GALNT9: variants seen among roughly 807,000 people sequenced by gnomAD.
GALNT9 encodes the protein polypeptide N-acetylgalactosaminyltransferase 9, also known as GalNAc transferase 9.
Under a neutral mutation model 63.1 loss-of-function variants are expected in GALNT9, and 47 were observed. That is an observed-to-expected ratio of 0.75 (90% CI 0.59 to 0.95). The LOEUF (loss-of-function observed/expected upper bound fraction) is 0.95, where lower values mean the gene tolerates loss of function less well. Among genes scored for constraint, GALNT9 ranks in the 40% least tolerant of loss-of-function variants. The pLI, the probability that GALNT9 is intolerant of heterozygous loss-of-function variation, is 0.00. For missense variants in GALNT9, 829 were observed against 874.8 expected, an observed-to-expected ratio of 0.95 and a Z score of 0.66; for synonymous variants, 396 against 365.7, an observed-to-expected ratio of 1.08 and a Z score of -0.94.
chr12:132,269,934 T>G (rs1879806554), intron 2 of GALNT9, among the ~76,000 whole-genome samples: 1 of 152,212 alleles, frequency 6.6e-6, no homozygotes, highest in Non-Finnish European at 1.5e-5. Flanking sequence ...CTTTGAGGCC[T>G]GAACAGCACA....
At chr12:132,323,784 A>T (rs940408997) in intron 1 of GALNT9, among the ~76,000 whole-genome samples, 2 of 152,194 alleles carry the variant, frequency 1.3e-5, no homozygotes, top group African/African-American at 2.4e-5. Context: ...GTAAATCCAC[A>T]ATCATGGGGA....
At chr12:132,261,176 A>C (rs1593090695) in intron 3 of GALNT9, 54 bp from the exon 4 acceptor site, 1 of 1,539,364 alleles carries the variant, frequency 6.5e-7, no homozygotes, top group Non-Finnish European at 8.7e-7. Flanking sequence ...GCGCGGGGCC[A>C]CCAAGACCCA....
Position 132,196,432 on chromosome 12 carries a change from G to A in GALNT9, c.*675C>T. 3.0e-6 allele frequency: 3 copies of A among 985,226 alleles called. No homozygotes were observed. The highest frequency in any genetic ancestry group is 3.6e-6 in the Non-Finnish European group (3 of 829,692). 61.0% of individuals were successfully genotyped at this position (985,226 alleles called of 1,614,324 possible). ...ACAGGCAAGGGGCTGGGCTGCGGCA[G>A]GGCCCAGGTGCCTGGGAAAGAGGTG... On this transcript the variant is annotated 3_prime_UTR_variant, in exon 11 of 11. Transcript: ENST00000328957.
At chr12:132,256,378 CTGTTTCT>C (rs1555239088) in intron 5 of GALNT9, among the ~76,000 whole-genome samples, 1 of 151,996 alleles carries the variant, frequency 6.6e-6, no homozygotes. Flanking sequence ...CCACTCCTCC[CTGTTTCT>C]AAGTATTCCG....
At chr12:132,271,867 A>C (rs537192907) in intron 2 of GALNT9, among the ~76,000 whole-genome samples, 3 of 152,096 alleles carry the variant, frequency 2.0e-5, no homozygotes, top group Non-Finnish European at 4.4e-5. Flanking sequence ...TGCGCCCTTC[A>C]GTGCTGTGTG....
rs527483489 is a variant in GALNT9, at chr12:132,284,223, GTGCACACA to G, written c.419+2019_419+2026del. ...TGCACACGTGCACACACAGACTCCTGTGCACACATGCACACATGCGCACACACCCGCAC... is the reference window on the plus strand; with the variant it reads ...TGCACACGTGCACACACAGACTCCTGTGCACACATGCGCACACACCCGCAC... On this transcript the variant is annotated intron_variant, in intron 2 of 10. Transcript: ENST00000328957. 785 of 149,842 alleles carry G rather than the reference GTGCACACA, an allele frequency of 5.2e-3. 3 individuals are homozygous for G. Among genetic ancestry groups the G allele is most frequent in the Non-Finnish European group, 8.6e-3 (579 of 67,466 alleles). The allele number at this position is 149,842 out of a possible 1,614,324, so 9.3% of individuals were successfully genotyped here. A position where few individuals can be genotyped will look rare whatever the true frequency, so the allele number is the denominator to read the frequency against.
At chr12:132,202,916 A>T (rs1450980066) in intron 7 of GALNT9, among the ~76,000 whole-genome samples, 2 of 152,212 alleles carry the variant, frequency 1.3e-5, no homozygotes, top group Non-Finnish European at 2.9e-5. Context: ...GAAGCGGGTC[A>T]GCCACTCATA....
intron 6 of GALNT9, among the ~76,000 whole-genome samples, chr12:132,229,904 A>G (rs1401396719): frequency 6.6e-6 from 1 of 152,204 alleles, no homozygotes; most frequent in Non-Finnish European, 1.5e-5. Flanking sequence ...GTGGAGTCAC[A>G]GGCTCTCAGC....
At chr12:132,219,036 G>A (rs1593069495) in intron 6 of GALNT9, among the ~76,000 whole-genome samples, 1 of 151,992 alleles carries the variant, frequency 6.6e-6, no homozygotes, top group East Asian at 1.9e-4. Context: ...GAGCTCTCGG[G>A]GTGCTGCCGA....
chr12:132,294,429 C>T (rs1880973319), intron 1 of GALNT9, among the ~76,000 whole-genome samples: 1 of 152,218 alleles, frequency 6.6e-6, no homozygotes, highest in South Asian at 2.1e-4. Flanking sequence ...CAGGGCCCTC[C>T]AGAAGTGTCT....
intron 2 of GALNT9, among the ~76,000 whole-genome samples, chr12:132,264,393 G>T (rs1196477384): frequency 6.6e-6 from 1 of 152,252 alleles, no homozygotes; most frequent in Non-Finnish European, 1.5e-5. Flanking sequence ...AAGCAGGAAG[G>T]GGGCTGGTGG....
intron 9 of GALNT9, 70 bp from the exon 10 acceptor site, chr12:132,198,029 G>A (rs1055596817): frequency 1.2e-5 from 16 of 1,320,552 alleles, no homozygotes; most frequent in East Asian, 9.7e-5. Context: ...CTGACAGGCC[G>A]TGCGAGCTGC....
At chr12:132,312,169 G>A (rs1483629580) in intron 1 of GALNT9, among the ~76,000 whole-genome samples, 1 of 152,184 alleles carries the variant, frequency 6.6e-6, no homozygotes, top group Admixed American at 6.5e-5. Flanking sequence ...ATATTTTGCA[G>A]GACATGGCAA....
intron 3 of GALNT9, 135 bp downstream of exon 3, chr12:132,262,324 T>C: frequency 8.3e-7 from 1 of 1,199,194 alleles, no homozygotes; most frequent in South Asian, 1.6e-5. Context: ...GGGACCCCCA[T>C]AGGTTTAGAG....
Position 132,267,800 on chromosome 12 carries a change from C to CACTCACACACAT in GALNT9, c.420-5176_420-5175insATGTGTGTGAGT, listed in dbSNP as rs138324682. On this transcript the variant is annotated intron_variant, in intron 2 of 10. Coordinates refer to ENST00000328957, the MANE Select transcript of GALNT9 (RefSeq NM_001122636.2). ...ACACACGCACACACACGCACTCACA[C>CACTCACACACAT]GCACTCACACACGCACTCACACATG... Among the ~76,000 whole-genome samples the CACTCACACACAT allele has an allele frequency of 1.8e-3, 255 of 140,130 alleles. 12 individuals carry two copies. Among genetic ancestry groups the CACTCACACACAT allele is most frequent in the South Asian group, 0.011 (49 of 4,520 alleles). The allele number at this position is 140,130 out of a possible 152,430, so 91.9% of individuals were successfully genotyped here.
rs748933691 is a variant in GALNT9 at position 132,203,492 on chromosome 12, G to A, written c.1263+13C>T. The A allele has an allele frequency of 1.5e-5, 25 of 1,613,028 alleles. No individual in the cohort carries two copies. In the East Asian group the frequency reaches 4.7e-4, roughly 30 times the overall value. The stretch of plus-strand genomic sequence containing the variant: ...GGGGCATGGCCCCGGCTCCCGGCCT[G>A]TGGGGGACTCACCGACATGGGGATG... On this transcript the variant is annotated intron_variant, in intron 7 of 10. Transcript: ENST00000328957.
In GALNT9 at chr12:132,238,777, C is replaced by A. The variant is rs527440165; in HGVS notation, c.1077+9133G>T. On this transcript the variant is annotated intron_variant, in intron 6 of 10. Transcript: ENST00000328957. The surrounding 1 kb of genome is among the most constrained non-coding windows in gnomAD (Gnocchi z 6.5). ...TCCGCCCCCTCATCTGCAGGCCACC[C>A]GCCCAGGGACGTGCTACCATTTACC... 6.6e-6 allele frequency among the ~76,000 whole-genome samples: 1 copy of A among 152,192 alleles called. No homozygotes were observed. Among genetic ancestry groups the A allele is most frequent in the African/African-American group, 2.4e-5 (1 of 41,438 alleles).
chr12:132,314,294 A>G (rs28520330), intron 1 of GALNT9, among the ~76,000 whole-genome samples: 12,899 of 151,590 alleles, frequency 0.085, 650 homozygotes, highest in African/African-American at 0.14. Context: ...TACATCAGGC[A>G]TCATGTTATC....
intron 5 of GALNT9, among the ~76,000 whole-genome samples, chr12:132,251,952 C>T (rs1878933613): frequency 1.3e-5 from 2 of 152,194 alleles, no homozygotes; most frequent in South Asian, 4.1e-4. Context: ...CCAGGCCTGC[C>T]CCCCGCCTGC....
Sources: allele counts gnomAD v4.1 joint callset (sites outside exome capture counted in the v4.1 genomes callset), GRCh38; gene constraint gnomAD v4.1.1; non-coding constraint Gnocchi (gnomAD v3.1); transcripts MANE v1.5; gene names NCBI Gene and HGNC (gene_info 2026-07-23, HGNC 2026-07-21).